PRKN: variants seen among roughly 807,000 people sequenced by gnomAD.
PRKN encodes the protein E3 ubiquitin-protein ligase parkin.
PRKN carries 56 observed loss-of-function variants against 59.5 expected under a neutral mutation model. The ratio of observed to expected loss-of-function variants is 0.94; its 90% CI spans 0.76 to 1.18. PRKN has a LOEUF of 1.18. Among genes scored for constraint, PRKN ranks in the 50% most tolerant of loss-of-function variants. The probability of loss-of-function intolerance (pLI) is 0.00; values close to 1 mark genes in which losing one functional copy is unlikely to be tolerated. For synonymous variants in PRKN, 250 were observed against 222.1 expected (o/e 1.13, Z -1.12); for missense variants, 657 against 596.4 (o/e 1.10, Z -1.06).
chr6:162,598,627 C>T (rs1028695321), intron 1 of PRKN, among the ~76,000 whole-genome samples: 10 of 151,992 alleles, frequency 6.6e-5, no homozygotes, highest in African/African-American at 1.9e-4. Context: ...TCGAGGCGGG[C>T]GGATAACCTG....
intron 8 of PRKN, among the ~76,000 whole-genome samples, chr6:161,553,148 T>C (rs1475312713): frequency 6.6e-6 from 1 of 151,112 alleles, no homozygotes; most frequent in African/African-American, 2.4e-5. Context: ...GTTTAGTCCA[T>C]CACCCTCCAT....
chr6:161,476,789 C>T (rs1451387437), intron 9 of PRKN, among the ~76,000 whole-genome samples: 1 of 152,188 alleles, frequency 6.6e-6, no homozygotes, highest in Non-Finnish European at 1.5e-5. Context: ...CTGACTGGGA[C>T]ATTCCGTCAT....
chr6:162,344,723 G>T (rs1003482698), intron 2 of PRKN, among the ~76,000 whole-genome samples: 5 of 151,864 alleles, frequency 3.3e-5, no homozygotes, highest in African/African-American at 9.7e-5. Flanking sequence ...TTGACAGATA[G>T]TACCTGTCAC....
chr6:162,611,480 A>G (rs1480217875), intron 1 of PRKN, among the ~76,000 whole-genome samples: 1 of 152,218 alleles, frequency 6.6e-6, no homozygotes, highest in Non-Finnish European at 1.5e-5. Context: ...AACCATTCAC[A>G]GAGTAAATAT....
chr6:162,013,689 C>T (rs1782823281), intron 5 of PRKN, among the ~76,000 whole-genome samples: 1 of 152,150 alleles, frequency 6.6e-6, no homozygotes, highest in Non-Finnish European at 1.5e-5. Context: ...ACTGATAAAT[C>T]TGACTCTGGT....
At chr6:161,501,588 G>C (rs1777967212) in intron 9 of PRKN, among the ~76,000 whole-genome samples, 1 of 151,432 alleles carries the variant, frequency 6.6e-6, no homozygotes. Flanking sequence ...TTTAATGGTT[G>C]GTCTGTTTCC....
chr6:161,969,271 T>TG (rs1464654122), intron 6 of PRKN, among the ~76,000 whole-genome samples: 5 of 145,600 alleles, frequency 3.4e-5, no homozygotes, highest in East Asian at 1.9e-4. Context: ...CTTATTTGTT[T>TG]TTTTTTTTTT....
At chr6:162,137,166 T>G (rs1781589653) in intron 4 of PRKN, among the ~76,000 whole-genome samples, 1 of 152,152 alleles carries the variant, frequency 6.6e-6, no homozygotes, top group Admixed American at 6.5e-5. Flanking sequence ...GGGTTACTTT[T>G]TAAAATAAAT....
intron 7 of PRKN, among the ~76,000 whole-genome samples, chr6:161,731,573 T>C (rs1163506510): frequency 6.6e-6 from 1 of 152,240 alleles, no homozygotes; most frequent in East Asian, 1.9e-4. Context: ...ATTTTGAATG[T>C]TTGTTTATCT....
intron 1 of PRKN, among the ~76,000 whole-genome samples, chr6:162,636,089 A>G (rs1358102983): frequency 1.3e-5 from 2 of 152,208 alleles, no homozygotes; most frequent in Non-Finnish European, 2.9e-5. Context: ...ATAAAAATTA[A>G]ATATTCTGAA....
At chr6:161,650,424 G>A (rs1784109790) in intron 7 of PRKN, among the ~76,000 whole-genome samples, 1 of 152,090 alleles carries the variant, frequency 6.6e-6, no homozygotes, top group African/African-American at 2.4e-5. Flanking sequence ...TATACAGTTT[G>A]TCTTTCTCTA....
chr6:162,724,985 G>C lies in PRKN; in HGVS notation c.7+2677C>G, dbSNP rs140505904. ...AATGGTCATCTGCAATCCTGTCTTT[G>C]TCCTGCCTCTGTATCCCTGCTTTCA... On this transcript the variant is annotated intron_variant, in intron 1 of 11. Transcript: ENST00000366898. Among the ~76,000 whole-genome samples the C allele has an allele frequency of 7.1e-4, 108 of 152,302 alleles. 1 individual carries two copies. Among genetic ancestry groups the C allele is most frequent in the East Asian group, 7.0e-3 (36 of 5,170 alleles).
At chr6:162,491,443 T>G (rs1411360765) in intron 1 of PRKN, among the ~76,000 whole-genome samples, 1 of 152,178 alleles carries the variant, frequency 6.6e-6, no homozygotes, top group Admixed American at 6.5e-5. Context: ...GCACCAGGTG[T>G]GCGTGACGAC....
At chr6:161,802,026 A>G (rs115569880) in intron 6 of PRKN, among the ~76,000 whole-genome samples, 91 of 152,314 alleles carry the variant, frequency 6.0e-4, no homozygotes, top group African/African-American at 2.1e-3. Flanking sequence ...ACAAACAAGG[A>G]ATTCGTGCTA....
At chr6:161,777,882 A>ATG (rs1462660580) in intron 7 of PRKN, among the ~76,000 whole-genome samples, 2 of 134,948 alleles carry the variant, frequency 1.5e-5, no homozygotes, top group Non-Finnish European at 3.1e-5. Context: ...ATACGTATAT[A>ATG]TGTATATATA....
chr6:162,626,549 C>T (rs1782904159), intron 1 of PRKN, among the ~76,000 whole-genome samples: 1 of 152,058 alleles, frequency 6.6e-6, no homozygotes, highest in Admixed American at 6.6e-5. Context: ...GGTATGGTGG[C>T]TCAGGCCTGT....
At chr6:161,841,832 T>C (rs1297916875) in intron 6 of PRKN, among the ~76,000 whole-genome samples, 2 of 152,164 alleles carry the variant, frequency 1.3e-5, no homozygotes, top group Non-Finnish European at 2.9e-5. Context: ...GGCAAATAAT[T>C]ACTTTGCCTT....
At chr6:161,642,940 T>C (rs1323953766) in intron 7 of PRKN, among the ~76,000 whole-genome samples, 1 of 152,216 alleles carries the variant, frequency 6.6e-6, no homozygotes, top group African/African-American at 2.4e-5. Flanking sequence ...CTTCTTGGAG[T>C]GTCCAGTCAT....
At chr6:162,560,354 A>G (rs1276924474) in intron 1 of PRKN, among the ~76,000 whole-genome samples, 3 of 152,204 alleles carry the variant, frequency 2.0e-5, no homozygotes. Flanking sequence ...GCAGACATCA[A>G]TTACCTATAA....
Sources: allele counts gnomAD v4.1 joint callset (sites outside exome capture counted in the v4.1 genomes callset), GRCh38; gene constraint gnomAD v4.1.1; transcripts MANE v1.5; gene names NCBI Gene and HGNC (gene_info 2026-07-23, HGNC 2026-07-21).